The following PAPSS2 variants were observed in gnomAD, a reference collection of about 807,000 sequenced individuals.
PAPSS2 encodes bifunctional 3'-phosphoadenosine 5'-phosphosulfate synthase 2.
Under a neutral mutation model 66.5 loss-of-function variants are expected in PAPSS2, and 61 were observed. The observed-to-expected ratio is 0.92, with a 90% CI of 0.75 to 1.14. The LOEUF (loss-of-function observed/expected upper bound fraction) is 1.14. PAPSS2 is among the 50% of genes most tolerant of loss of function. The probability of loss-of-function intolerance (pLI) is 0.00; values close to 1 mark genes in which losing one functional copy is unlikely to be tolerated. For synonymous variants in PAPSS2, 289 were observed against 287.5 expected, an observed-to-expected ratio of 1.01 and a Z score of -0.05; for missense variants, 708 against 789.6, an observed-to-expected ratio of 0.90 and a Z score of 1.24.
intron 1 of PAPSS2, among the ~76,000 whole-genome samples, chr10:87,704,195 C>T (rs913582607): frequency 3.9e-5 from 6 of 152,050 alleles, no homozygotes; most frequent in Admixed American, 2.6e-4. Context: ...CCTGGCCATC[C>T]GAAAGTATTT....
chr10:87,734,285 C>T (rs751729346), intron 9 of PAPSS2, among the ~76,000 whole-genome samples: 4 of 152,102 alleles, frequency 2.6e-5, no homozygotes, highest in South Asian at 2.1e-4. Flanking sequence ...CCTCTGCCTC[C>T]GGACCTTATT....
At chr10:87,705,018 A>ACAAC (rs1853365340) in intron 1 of PAPSS2, among the ~76,000 whole-genome samples, 1 of 152,244 alleles carries the variant, frequency 6.6e-6, no homozygotes, top group African/African-American at 2.4e-5. Flanking sequence ...ATACACATTT[A>ACAAC]GAATACATTC....
At chr10:87,708,055 C>A (rs1026961699) in intron 1 of PAPSS2, among the ~76,000 whole-genome samples, 1 of 152,102 alleles carries the variant, frequency 6.6e-6, no homozygotes, top group Non-Finnish European at 1.5e-5. Flanking sequence ...TTAATTTAAC[C>A]ATTATTATGG....
At position 87,713,126 on chromosome 10, in the gene PAPSS2, T is replaced by C; in HGVS notation, c.197T>C (p.Leu66Pro). 6.2e-7 allele frequency: 1 copy of C among 1,613,546 alleles called. No individual in the cohort carries two copies. The highest frequency in any genetic ancestry group is 8.5e-7 in the Non-Finnish European group (1 of 1,179,772). The change falls in exon 3 of 13, where the codon CTT becomes CCT. Residue 66 changes from leucine to proline, a missense_variant. Transcript: ENST00000456849. The stretch of plus-strand genomic sequence containing the variant: ...ATAAGTTTTGCCCTGGAGGAGTACC[T>C]TGTCTCCCATGCCATCCCTTGTTAC... The part of the protein sequence containing the change: ...TTISFALEEY[L>P]VSHAIPCYSL...
At chr10:87,668,892 G>A (rs1343751286) in intron 1 of PAPSS2, among the ~76,000 whole-genome samples, 1 of 151,996 alleles carries the variant, frequency 6.6e-6, no homozygotes, top group Non-Finnish European at 1.5e-5. Context: ...TCTTTATCAC[G>A]TGCTCTTTGA....
chr10:87,743,432 C>T lies in PAPSS2; in HGVS notation c.1282C>T (p.Gln428Ter). 1.9e-6 allele frequency: 3 copies of T among 1,614,080 alleles called. No individual in the cohort carries two copies. The highest frequency in any genetic ancestry group is 2.5e-6 in the Non-Finnish European group (3 of 1,179,976). Residue 428 changes from glutamine to a stop codon, truncating the protein, a stop_gained, in exon 11 of 13, where the codon CAG (glutamine) becomes TAG (stop). Coordinates refer to ENST00000456849, the MANE Select transcript of PAPSS2 (RefSeq NM_001015880.2). LOFTEE classifies it high-confidence loss of function. The stretch of plus-strand genomic sequence containing the variant: ...CCACAATGGCCATGCCCTGTTGATG[C>T]AGGACACTCGCCGCAGGCTCCTAGA... ...PVHNGHALLM[Q>*]DTRRRLLERG... is the part of the protein sequence containing the mutation.
chr10:87,676,872 C>CAAAAAAAAAAAAAAAA (rs71019493), intron 1 of PAPSS2, among the ~76,000 whole-genome samples: 7 of 31,368 alleles, frequency 2.2e-4, no homozygotes, highest in African/African-American at 7.6e-4. Flanking sequence ...GACCCTGTCT[C>CAAAAAAAAAAAAAAAA]AAAAAAAAAA....
chr10:87,726,963 C>T (rs1853666551), intron 8 of PAPSS2, among the ~76,000 whole-genome samples: 1 of 152,156 alleles, frequency 6.6e-6, no homozygotes, highest in Non-Finnish European at 1.5e-5. Context: ...AAACTCCCTA[C>T]TGCATTGAGG....
At chr10:87,688,274 A>G (rs1218041739) in intron 1 of PAPSS2, among the ~76,000 whole-genome samples, 1 of 151,932 alleles carries the variant, frequency 6.6e-6, no homozygotes, top group Non-Finnish European at 1.5e-5. Flanking sequence ...GTTAGAGTTT[A>G]TTATTTTTCA....
At chr10:87,713,347 G>A (rs1300981789) in intron 3 of PAPSS2, 37 bp downstream of exon 3, 8 of 1,094,642 alleles carry the variant, frequency 7.3e-6, no homozygotes, top group Non-Finnish European at 1.0e-5. Flanking sequence ...CACTACACAC[G>A]ATTCCCACAC....
intron 1 of PAPSS2, among the ~76,000 whole-genome samples, chr10:87,695,643 G>C (rs1853222958): frequency 6.6e-6 from 1 of 152,208 alleles, no homozygotes; most frequent in East Asian, 1.9e-4. Flanking sequence ...GTCTAAGTCA[G>C]AATGCTGACA....
intron 1 of PAPSS2, among the ~76,000 whole-genome samples, chr10:87,685,738 A>G (rs1212183132): frequency 6.6e-6 from 1 of 152,182 alleles, no homozygotes; most frequent in African/African-American, 2.4e-5. Flanking sequence ...TTCCACAGAA[A>G]CATTCAGGTA....
chr10:87,660,658 T>G (rs1230709490), intron 1 of PAPSS2, among the ~76,000 whole-genome samples: 3 of 151,984 alleles, frequency 2.0e-5, no homozygotes, highest in African/African-American at 7.3e-5. Flanking sequence ...TTACCCAGAA[T>G]TAATAATCTG....
chr10:87,714,683 A>G (rs1853509498), intron 4 of PAPSS2, 62 bp from the exon 5 acceptor site: 2 of 995,588 alleles, frequency 2.0e-6, no homozygotes, highest in South Asian at 1.3e-5. Flanking sequence ...GTTTTGCCTT[A>G]TTGATTAAAA....
At chr10:87,706,573 A>G (rs1228309779) in intron 1 of PAPSS2, among the ~76,000 whole-genome samples, 1 of 150,064 alleles carries the variant, frequency 6.7e-6, no homozygotes, top group Non-Finnish European at 1.5e-5. Context: ...CCTGGGCAAC[A>G]AGGTGAGACC....
intron 1 of PAPSS2, among the ~76,000 whole-genome samples, chr10:87,706,634 C>T (rs1853394646): frequency 6.6e-6 from 1 of 151,868 alleles, no homozygotes; most frequent in South Asian, 2.1e-4. Flanking sequence ...TGGTGTGCAC[C>T]TGTAGTCCCA....
intron 10 of PAPSS2, among the ~76,000 whole-genome samples, chr10:87,742,375 T>C (rs1853880456): frequency 6.6e-6 from 1 of 152,194 alleles, no homozygotes. Flanking sequence ...AACTGCAGAT[T>C]ACAGTGGCTA....
intron 1 of PAPSS2, among the ~76,000 whole-genome samples, chr10:87,707,537 A>G (rs186442237): frequency 6.6e-6 from 1 of 151,578 alleles, no homozygotes; most frequent in African/African-American, 2.4e-5. Context: ...CAAAGCAAAA[A>G]GAGGTGAGTT....
At chr10:87,735,617 C>T (rs751780738) in intron 9 of PAPSS2, among the ~76,000 whole-genome samples, 8 of 152,164 alleles carry the variant, frequency 5.3e-5, no homozygotes, top group Non-Finnish European at 7.3e-5. Flanking sequence ...GAAAACCTTG[C>T]ATAATTGCCT....
Sources: allele counts gnomAD v4.1 joint callset (sites outside exome capture counted in the v4.1 genomes callset), GRCh38; gene constraint gnomAD v4.1.1; transcripts MANE v1.5; gene names NCBI Gene and HGNC (gene_info 2026-07-23, HGNC 2026-07-21).